Variants in LRFN2 observed in about 807,000 individuals in gnomAD.
LRFN2 encodes the protein leucine rich repeat and fibronectin type III domain containing 2.
LRFN2 carries 18 observed loss-of-function variants against 37.3 expected under a neutral mutation model. That is an observed-to-expected ratio of 0.48 (90% confidence interval 0.33 to 0.72). The LOEUF is 0.72. LRFN2 is among the 30% of genes least tolerant of loss of function. The pLI is 0.02. For synonymous variants in LRFN2, 556 were observed against 466.6 expected (o/e 1.19, Z -2.47); for missense variants, 1,006 against 1,060.7 (o/e 0.95, Z 0.72).
intron 1 of LRFN2, among the ~76,000 whole-genome samples, chr6:40,575,210 G>A (rs79603935): frequency 5.9e-5 from 9 of 152,146 alleles, no homozygotes; most frequent in East Asian, 3.9e-4. Flanking sequence ...TAGTGAGGGC[G>A]GGCTGGAACT....
Position 40,432,354 on chromosome 6 carries a change from G to C in LRFN2, c.760C>G (p.Arg254Gly). The part of the protein sequence containing the change: ...LHCNCELLWL[R>G]RLERDDDLET... ...AGGTCATCGTCCCGCTCGAGCCTCCGCAGCCAGAGAAGCTCACAATTGCAG... is the reference window on the plus strand; with the variant it reads ...AGGTCATCGTCCCGCTCGAGCCTCCCCAGCCAGAGAAGCTCACAATTGCAG... The change falls in exon 2 of 3, where the codon CGG becomes GGG. Residue 254 changes from arginine (R) to glycine (G), a missense_variant. This residue lies in a region of LRFN2 where 303 missense variants were observed against 299.8 expected (regional missense o/e 1.01). Coordinates refer to ENST00000338305, the MANE Select transcript of LRFN2 (RefSeq NM_020737.3). 1.2e-6 allele frequency: 2 copies of C among 1,614,156 alleles called. No individual in the cohort carries two copies. Among genetic ancestry groups the C allele is most frequent in the Non-Finnish European group, 1.7e-6 (2 of 1,180,046 alleles).
At chr6:40,463,058 G>C (rs769347964) in intron 1 of LRFN2, among the ~76,000 whole-genome samples, 2 of 152,200 alleles carry the variant, frequency 1.3e-5, no homozygotes, top group Non-Finnish European at 1.5e-5. Context: ...CTGCTGGCTG[G>C]AATGTGAATG....
intron 1 of LRFN2, among the ~76,000 whole-genome samples, chr6:40,473,347 C>T (rs1001314922): frequency 2.0e-5 from 3 of 152,182 alleles, no homozygotes; most frequent in Non-Finnish European, 2.9e-5. Flanking sequence ...AGTGCCTCTG[C>T]TTCAAAGTCA....
At chr6:40,576,098 T>C (rs1241214294) in intron 1 of LRFN2, among the ~76,000 whole-genome samples, 4 of 152,168 alleles carry the variant, frequency 2.6e-5, no homozygotes. Flanking sequence ...CGCGTTTAAA[T>C]GGAGACAAGT....
intron 1 of LRFN2, among the ~76,000 whole-genome samples, chr6:40,483,539 T>C (rs1396848360): frequency 6.6e-6 from 1 of 152,242 alleles, no homozygotes; most frequent in African/African-American, 2.4e-5. Context: ...ATCCATTTAT[T>C]GAGCACTTAT....
At chr6:40,393,546 C>G (rs763294228) in intron 2 of LRFN2, among the ~76,000 whole-genome samples, 6 of 151,978 alleles carry the variant, frequency 3.9e-5, no homozygotes, top group Non-Finnish European at 8.8e-5. Flanking sequence ...GAGGGAGAGA[C>G]AGAGAGGCAG....
intron 1 of LRFN2, among the ~76,000 whole-genome samples, chr6:40,564,916 A>G (rs1046326601): frequency 1.3e-5 from 2 of 152,108 alleles, no homozygotes; most frequent in African/African-American, 4.8e-5. Context: ...GAGTCTGCAT[A>G]AAGCAGCCCC....
chr6:40,465,206 G>T, intron 1 of LRFN2, among the ~76,000 whole-genome samples: 1 of 152,070 alleles, frequency 6.6e-6, no homozygotes, highest in East Asian at 1.9e-4. Context: ...AAAGAGCAAG[G>T]AAACATATTC....
intron 1 of LRFN2, among the ~76,000 whole-genome samples, chr6:40,493,289 C>T: frequency 6.6e-6 from 1 of 152,148 alleles, no homozygotes; most frequent in South Asian, 2.1e-4. Context: ...TCCTGCCAGG[C>T]ATTGCTCTGT....
chr6:40,423,645 T>A (rs1763280180), intron 2 of LRFN2, among the ~76,000 whole-genome samples: 1 of 152,216 alleles, frequency 6.6e-6, no homozygotes, highest in Non-Finnish European at 1.5e-5. Context: ...GGGTGCATTG[T>A]GCCTAACTTG....
intron 1 of LRFN2, among the ~76,000 whole-genome samples, chr6:40,532,759 T>C (rs80083773): frequency 0.044 from 6,747 of 152,334 alleles, 258 homozygotes; most frequent in Middle Eastern, 0.13. Flanking sequence ...ATTATAATCA[T>C]TATTTACATG....
At chr6:40,408,363 C>T (rs1451924553) in intron 2 of LRFN2, among the ~76,000 whole-genome samples, 1 of 152,122 alleles carries the variant, frequency 6.6e-6, no homozygotes, top group Non-Finnish European at 1.5e-5. Flanking sequence ...GGCAGTCACC[C>T]TCGGCAGGGG....
intron 2 of LRFN2, among the ~76,000 whole-genome samples, chr6:40,402,663 A>G (rs1762765168): frequency 6.6e-6 from 1 of 152,192 alleles, no homozygotes; most frequent in Admixed American, 6.5e-5. Flanking sequence ...TCTCACAGAG[A>G]GGAGGATTGT....
At chr6:40,439,969 T>C (rs1315378002) in intron 1 of LRFN2, among the ~76,000 whole-genome samples, 2 of 151,870 alleles carry the variant, frequency 1.3e-5, no homozygotes, top group Admixed American at 1.3e-4. Context: ...TCTCAGAAGG[T>C]TCTAGCTTAG....
At chr6:40,530,306 G>C (rs1362707619) in intron 1 of LRFN2, among the ~76,000 whole-genome samples, 1 of 152,222 alleles carries the variant, frequency 6.6e-6, no homozygotes, top group Non-Finnish European at 1.5e-5. Flanking sequence ...GCACAGGCCT[G>C]GGATAGGAAA....
chr6:40,569,290 C>T (rs557864916), intron 1 of LRFN2, among the ~76,000 whole-genome samples: 4 of 152,146 alleles, frequency 2.6e-5, no homozygotes, highest in Admixed American at 6.5e-5. Context: ...GGCCTGGAAC[C>T]AAGGGAGAGT....
At chr6:40,503,839 T>C (rs549559736) in intron 1 of LRFN2, among the ~76,000 whole-genome samples, 14 of 151,996 alleles carry the variant, frequency 9.2e-5, no homozygotes, top group Non-Finnish European at 1.9e-4. Flanking sequence ...GAAGAGGACT[T>C]TACTATGCTC....
chr6:40,528,523 A>G (rs1766294471), intron 1 of LRFN2, among the ~76,000 whole-genome samples: 1 of 152,196 alleles, frequency 6.6e-6, no homozygotes, highest in Non-Finnish European at 1.5e-5. Flanking sequence ...TAAGGGAGTC[A>G]AAGTGGAGGG....
At chr6:40,528,437 C>A (rs1766293074) in intron 1 of LRFN2, among the ~76,000 whole-genome samples, 1 of 152,210 alleles carries the variant, frequency 6.6e-6, no homozygotes, top group African/African-American at 2.4e-5. Flanking sequence ...CTAAAGCCCT[C>A]CAGTGCTTAG....
Sources: allele counts gnomAD v4.1 joint callset (sites outside exome capture counted in the v4.1 genomes callset), GRCh38; gene constraint gnomAD v4.1.1; regional missense constraint gnomAD v4.1.1; transcripts MANE v1.5; gene names NCBI Gene and HGNC (gene_info 2026-07-23, HGNC 2026-07-21).